HEATR1: variants seen among roughly 807,000 people sequenced by gnomAD.
The protein encoded by HEATR1 is HEAT repeat-containing protein 1.
A neutral mutation model predicts 248.2 loss-of-function variants in HEATR1; 77 were observed. That is an observed-to-expected ratio of 0.31 (90% CI 0.26 to 0.37). The LOEUF is 0.37. HEATR1 is among the 10% of genes least tolerant of loss of function. HEATR1 has a pLI of 1.00. For missense variants in HEATR1, 2,420 were observed against 2,504.9 expected, an observed-to-expected ratio of 0.97 and a Z score of 0.72; for synonymous variants, 897 against 923.1, an observed-to-expected ratio of 0.97 and a Z score of 0.51.
chr1:236,585,319 G>A, intron 16 of HEATR1, 103 bp from the exon 17 acceptor site: 1 of 911,452 alleles, frequency 1.1e-6, no homozygotes. Context: ...CATTTAAAGT[G>A]AGATGACAAA....
rs1558181262 is a variant in HEATR1, at chr1:236,566,739, T to C, written c.4215A>G (p.Thr1405=). Reference sequence around the variant, plus strand: ...TCCAGAGGAATTTCTCTGCACCCAGTGTATCAACAAGTTGAACAAGGATGG... The same window carrying C: ...TCCAGAGGAATTTCTCTGCACCCAGCGTATCAACAAGTTGAACAAGGATGG... ...RLPILVQLVD[T]LGAEKFLWIL... is the part of the protein sequence containing the mutation. The change falls in exon 30 of 45, where the codon ACA becomes ACG. Residue 1405 remains threonine, a synonymous_variant. Transcript: ENST00000366582. The C allele has an allele frequency of 1.9e-6, 3 of 1,614,182 alleles. No individual in the cohort carries two copies. Among genetic ancestry groups the C allele is most frequent in the South Asian group, 1.1e-5 (1 of 91,090 alleles).
intron 29 of HEATR1, 119 bp from the exon 30 acceptor site, chr1:236,566,995 TA>T: frequency 1.5e-6 from 1 of 669,162 alleles, no homozygotes. Flanking sequence ...GAATTTTATT[TA>T]TTTTTTTAGA....
Position 236,574,862 on chromosome 1 carries a change from T to G in HEATR1, c.3126A>C (p.Leu1042=). 1 of 1,613,882 alleles carries G rather than the reference T, an allele frequency of 6.2e-7. No homozygotes were observed. Among genetic ancestry groups the G allele is most frequent in the Non-Finnish European group, 8.5e-7 (1 of 1,179,778 alleles). Residue 1042 remains leucine (L), a synonymous_variant, in exon 23 of 45, where the codon CTA becomes CTC. Coordinates refer to ENST00000366582, the MANE Select transcript of HEATR1 (RefSeq NM_018072.6). ...SQLLPMAEQL[L]EKIQKEPTAV... ...CTGTGGGCTCCTTCTGGATCTTTTC[T>G]AGCAGTTGTTCAGCCATAGGCAATA...
Position 236,556,174 on chromosome 1 carries a change from C to A in HEATR1, c.5440G>T (p.Ala1814Ser). 1 of 1,613,942 alleles carries A rather than the reference C, an allele frequency of 6.2e-7. No individual in the cohort carries two copies. The highest frequency in any genetic ancestry group is 8.5e-7 in the Non-Finnish European group (1 of 1,180,002). Residue 1814 changes from alanine (A) to serine (S), a missense_variant, in exon 38 of 45, where the codon GCT becomes TCT. By Grantham distance (99) the Ala-to-Ser change is moderately conservative. Coordinates refer to ENST00000366582, the MANE Select transcript of HEATR1 (RefSeq NM_018072.6). The part of the protein sequence containing the change: ...IRLTSLKKTL[A>S]TTLAPRVLLP... The stretch of plus-strand genomic sequence containing the variant: ...AGGACTCGGGGTGCAAGTGTGGTAG[C>A]CAGTGTCTTTTTAAGAGATGTGAGA...
intron 20 of HEATR1, among the ~76,000 whole-genome samples, chr1:236,577,651 G>A (rs1389198093): frequency 6.6e-6 from 1 of 151,666 alleles, no homozygotes; most frequent in East Asian, 1.9e-4. Context: ...ACCACATCCG[G>A]CTAATTTTGT....
intron 28 of HEATR1, 143 bp from the exon 29 acceptor site, chr1:236,569,267 C>T (rs938544752): frequency 1.7e-6 from 1 of 572,330 alleles, no homozygotes; most frequent in African/African-American, 2.0e-5. Context: ...CCTTGGACTC[C>T]TAAGCTCAAG....
At position 236,559,075 on chromosome 1, in the gene HEATR1, G is replaced by T. The variant is rs890221877; in HGVS notation, c.4831C>A (p.Pro1611Thr). ...IPVIRGLVGN[P>T]LPSVRRKALD... ...GCTTTGCGGCGAACAGATGGCAGGGGATTGCCCACCAGCCCTCTGATCACA... is the reference window on the plus strand; with the variant it reads ...GCTTTGCGGCGAACAGATGGCAGGGTATTGCCCACCAGCCCTCTGATCACA... Residue 1611 changes from proline to threonine, a missense_variant, in exon 35 of 45, where the codon CCC becomes ACC. By Grantham distance (38) the Pro-to-Thr change is conservative (BLOSUM62 -1). Coordinates refer to ENST00000366582, the MANE Select transcript of HEATR1 (RefSeq NM_018072.6). 1 of 1,612,746 alleles carries T rather than the reference G, an allele frequency of 6.2e-7. No homozygotes were observed. The highest frequency in any genetic ancestry group is 8.5e-7 in the Non-Finnish European group (1 of 1,179,684).
At chr1:236,580,087 T>G (rs1365018062) in intron 20 of HEATR1, among the ~76,000 whole-genome samples, 1 of 152,234 alleles carries the variant, frequency 6.6e-6, no homozygotes, top group Non-Finnish European at 1.5e-5. Flanking sequence ...CATTCTTCTC[T>G]GATCTAATTC....
chr1:236,566,967 C>A, intron 29 of HEATR1, 91 bp from the exon 30 acceptor site: 1 of 798,344 alleles, frequency 1.3e-6, no homozygotes, highest in Admixed American at 2.5e-5. Context: ...TTAGATGGGC[C>A]CCAAGAAATT....
At chr1:236,597,543 G>A (rs892638100) in intron 5 of HEATR1, among the ~76,000 whole-genome samples, 6 of 152,046 alleles carry the variant, frequency 3.9e-5, no homozygotes, top group African/African-American at 9.7e-5. Flanking sequence ...GTGAGCCACC[G>A]CACCTGGCCT....
Position 236,566,769 on chromosome 1 carries a change from G to A in HEATR1, c.4185C>T (p.Arg1395=), listed in dbSNP as rs1663283618. ...DALPHVPEHR[R]LPILVQLVDT... ...CAACAAGTTGAACAAGGATGGGCAG[G>A]CGCCTGTGCTCCGGGACGTGTGGCA... is the stretch of plus-strand genomic sequence containing the variant. Residue 1395 remains arginine (R), a synonymous_variant, in exon 30 of 45, where the codon CGC becomes CGT. Coordinates refer to ENST00000366582, the MANE Select transcript of HEATR1 (RefSeq NM_018072.6). 6 of 1,614,094 alleles carry A rather than the reference G, an allele frequency of 3.7e-6. No individual in the cohort carries two copies. The African/African-American group carries it at 5.3e-5, about 14-fold the overall frequency.
intron 10 of HEATR1, 54 bp from the exon 11 acceptor site, chr1:236,592,164 A>C: frequency 2.3e-6 from 2 of 860,474 alleles, no homozygotes; most frequent in Non-Finnish European, 1.9e-6. Flanking sequence ...TATTAATCTC[A>C]TACACCATAC....
intron 5 of HEATR1, among the ~76,000 whole-genome samples, 154 bp from the exon 6 acceptor site, chr1:236,597,130 A>AAC (rs1664198269): frequency 6.6e-6 from 1 of 151,928 alleles, no homozygotes; most frequent in Non-Finnish European, 1.5e-5. Flanking sequence ...GTCTCCAAAA[A>AAC]AAAAAAAAGT....
At chr1:236,594,866 C>G (rs1664129998) in intron 8 of HEATR1, among the ~76,000 whole-genome samples, 1 of 152,128 alleles carries the variant, frequency 6.6e-6, no homozygotes, top group African/African-American at 2.4e-5. Context: ...GGCACAAACA[C>G]AGTTCCCTGT....
In HEATR1 at chr1:236,571,415, G is replaced by A. The variant is rs773296322; in HGVS notation, c.3884C>T (p.Ser1295Leu). Residue 1295 changes from serine to leucine, a missense_variant, in exon 28 of 45, where the codon TCG becomes TTG. Physicochemically the swap from Ser to Leu is moderately radical, Grantham distance 145. Transcript: ENST00000366582. ...VELIVQCIRL[S>L]EMPQTHHHAL... The stretch of plus-strand genomic sequence containing the variant: ...ATGGTGATGGGTCTGCGGCATCTCC[G>A]AAAGGCGGATGCACTGAACTATCAA... 13 of 1,613,286 alleles carry A rather than the reference G, an allele frequency of 8.1e-6. No homozygotes were observed. The East Asian group carries it at 1.1e-4, about 14-fold the overall frequency.
At position 236,557,243 on chromosome 1, in the gene HEATR1, C is replaced by T; in HGVS notation, c.5307G>A (p.Glu1769=). The T allele has an allele frequency of 6.2e-7, 1 of 1,614,150 alleles. No homozygotes were observed. Among genetic ancestry groups the T allele is most frequent in the Non-Finnish European group, 8.5e-7 (1 of 1,180,010 alleles). The change falls in exon 37 of 45, where the codon GAG becomes GAA. Residue 1769 remains glutamate (E), a synonymous_variant. Coordinates refer to ENST00000366582, the MANE Select transcript of HEATR1 (RefSeq NM_018072.6). Reference sequence around the variant, plus strand: ...AGGGGCTGATGAAGTGCGGGAGAGTCTCCACAACCTTCTGCAGAGCAGCCA... The same window carrying T: ...AGGGGCTGATGAAGTGCGGGAGAGTTTCCACAACCTTCTGCAGAGCAGCCA... The part of the protein sequence containing the change: ...SALAALQKVV[E]TLPHFISPYL...
At chr1:236,575,720 T>C (rs574518413) in intron 22 of HEATR1, among the ~76,000 whole-genome samples, 23 of 152,340 alleles carry the variant, frequency 1.5e-4, no homozygotes, top group African/African-American at 5.0e-4. Context: ...CTTTTTTATG[T>C]TGGTCAGCAC....
At chr1:236,592,670 G>A (rs752704077) in intron 9 of HEATR1, 37 bp from the exon 10 acceptor site, 3 of 818,744 alleles carry the variant, frequency 3.7e-6, no homozygotes, top group Non-Finnish European at 6.0e-6. Flanking sequence ...GCATACATAA[G>A]AGTTACTATT....
At position 236,588,025 on chromosome 1, in the gene HEATR1, A is replaced by G; in HGVS notation, c.1549T>C (p.Phe517Leu). The change falls in exon 13 of 45, where the codon TTC becomes CTC. Residue 517 changes from phenylalanine (F) to leucine (L), a missense_variant. Physicochemically the swap from Phe to Leu is conservative, Grantham distance 22 (BLOSUM62 0). Coordinates refer to ENST00000366582, the MANE Select transcript of HEATR1 (RefSeq NM_018072.6). ...CGGGCTAAAACAGCTTCTTTTATGAAAGATTCATCAACACCCTCCTGAGCA... is the reference window on the plus strand; with the variant it reads ...CGGGCTAAAACAGCTTCTTTTATGAGAGATTCATCAACACCCTCCTGAGCA... ...KTSKEGVDES[F>L]IKEAVLARLG... 1 of 1,612,084 alleles carries G rather than the reference A, an allele frequency of 6.2e-7. No homozygotes were observed. The highest frequency in any genetic ancestry group is 8.5e-7 in the Non-Finnish European group (1 of 1,178,860).
Sources: allele counts gnomAD v4.1 joint callset (sites outside exome capture counted in the v4.1 genomes callset), GRCh38; gene constraint gnomAD v4.1.1; transcripts MANE v1.5; gene names NCBI Gene and HGNC (gene_info 2026-07-23, HGNC 2026-07-21).